VSIG10: variants seen among roughly 807,000 people sequenced by gnomAD.
VSIG10 encodes V-set and immunoglobulin domain-containing protein 10.
Under a neutral mutation model 58.7 loss-of-function variants are expected in VSIG10, and 48 were observed. The observed-to-expected ratio is 0.82, with a 90% CI of 0.65 to 1.04. The LOEUF is 1.04. Among genes scored for constraint, VSIG10 ranks in the 50% least tolerant of loss-of-function variants. VSIG10 has a pLI of 0.00. For missense variants in VSIG10, 628 were observed against 670.0 expected (o/e 0.94, Z 0.69); for synonymous variants, 260 against 267.1 (o/e 0.97, Z 0.26).
At chr12:118,076,666 C>T (rs1230383010) in intron 4 of VSIG10, among the ~76,000 whole-genome samples, 2 of 148,510 alleles carry the variant, frequency 1.3e-5, no homozygotes, top group African/African-American at 4.9e-5. Context: ...TCTCTCTTAC[C>T]TTTCCCTTTT....
intron 3 of VSIG10, among the ~76,000 whole-genome samples, chr12:118,081,149 G>A (rs1290906193): frequency 6.6e-6 from 1 of 151,878 alleles, no homozygotes; most frequent in East Asian, 2.0e-4. Flanking sequence ...GCTGAGGTGT[G>A]AGAACTGAAT....
rs745812029 is a variant in VSIG10 at position 118,073,825 on chromosome 12, G to A, written c.1093C>T (p.Gln365Ter). ...GTGAGGGTGGAGTTCTGGCCATCCT[G>A]GGTAATGAGATGGCGGCTGCTAGGC... is the stretch of plus-strand genomic sequence containing the variant. ...IQPSSRHLIT[Q>*]DGQNSTLTIH... is the part of the protein sequence containing the mutation. Residue 365 changes from glutamine to a stop codon, truncating the protein, a stop_gained, in exon 5 of 9, where the codon CAG (glutamine) becomes TAG (stop). Transcript: ENST00000359236. LOFTEE classifies it high-confidence loss of function. 6.2e-7 allele frequency: 1 copy of A among 1,613,978 alleles called. No homozygotes were observed. The highest frequency in any genetic ancestry group is 1.7e-5 in the Admixed American group (1 of 60,008).
intron 7 of VSIG10, 197 bp downstream of exon 7, chr12:118,070,855 G>A (rs1431838353): frequency 1.3e-5 from 8 of 636,638 alleles, no homozygotes; most frequent in Non-Finnish European, 2.2e-5. Flanking sequence ...TCTGGAAAAT[G>A]GAGATGTCAC....
chr12:118,074,918 A>G (rs1285633762), intron 4 of VSIG10, among the ~76,000 whole-genome samples: 2 of 152,158 alleles, frequency 1.3e-5, no homozygotes, highest in African/African-American at 4.8e-5. Context: ...TCATCACAAG[A>G]AGGCTGAGTA....
intron 2 of VSIG10, among the ~76,000 whole-genome samples, chr12:118,092,071 T>A (rs955714880): frequency 6.6e-6 from 1 of 151,882 alleles, no homozygotes; most frequent in Non-Finnish European, 1.5e-5. Flanking sequence ...TTTTTATTTT[T>A]ATTTTGAGGC....
intron 2 of VSIG10, among the ~76,000 whole-genome samples, chr12:118,085,949 G>A (rs916840190): frequency 1.8e-4 from 28 of 152,024 alleles, no homozygotes; most frequent in South Asian, 2.1e-4. Context: ...CTGAGGTCAG[G>A]AGTTCAAGAC....
At chr12:118,078,993 C>T (rs903254177) in intron 4 of VSIG10, among the ~76,000 whole-genome samples, 1 of 144,128 alleles carries the variant, frequency 6.9e-6, no homozygotes, top group South Asian at 2.2e-4. Context: ...TACCCAGCCT[C>T]AGGTATTCCT....
At chr12:118,078,222 G>A (rs532622032) in intron 4 of VSIG10, among the ~76,000 whole-genome samples, 23 of 152,160 alleles carry the variant, frequency 1.5e-4, no homozygotes, top group African/African-American at 5.1e-4. Flanking sequence ...GCAGTGGTGC[G>A]ATCTCGGCTC....
Position 118,103,650 on chromosome 12 carries a change from G to A in VSIG10, c.22C>T (p.Pro8Ser), listed in dbSNP as rs1001802159. 19 of 1,502,278 alleles carry A rather than the reference G, an allele frequency of 1.3e-5. No homozygotes were observed. The African/African-American group carries it at 2.5e-4, about 19-fold the overall frequency. The allele number at this position is 1,502,278 out of a possible 1,614,324, so 93.1% of individuals were successfully genotyped here. A position where few individuals can be genotyped will look rare whatever the true frequency, so the allele number is the denominator to read the frequency against. MAAGGSA[P>S]EPRVLVCLGA... The stretch of plus-strand genomic sequence containing the variant: ...AGGCAGACGAGGACGCGGGGCTCGG[G>A]CGCACTGCCGCCTGCGGCCATCTCG... The change falls in exon 1 of 9, where the codon CCC becomes TCC. Residue 8 changes from proline to serine, a missense_variant. Transcript: ENST00000359236.
chr12:118,081,469 G>A (rs903967014), intron 3 of VSIG10, among the ~76,000 whole-genome samples: 4 of 151,880 alleles, frequency 2.6e-5, no homozygotes, highest in Non-Finnish European at 2.9e-5. Context: ...TTACAGGTGT[G>A]AGCCACTGAG....
At chr12:118,085,080 C>T (rs2033081507) in intron 2 of VSIG10, among the ~76,000 whole-genome samples, 1 of 152,144 alleles carries the variant, frequency 6.6e-6, no homozygotes, top group Admixed American at 6.5e-5. Context: ...AATCCTTGGG[C>T]AAGAATCACC....
chr12:118,075,495 AC>A (rs2032691505), intron 4 of VSIG10, among the ~76,000 whole-genome samples: 3 of 152,188 alleles, frequency 2.0e-5, no homozygotes, highest in Admixed American at 2.0e-4. Flanking sequence ...AGCTGGGATT[AC>A]AGGTGCCTGC....
intron 8 of VSIG10, among the ~76,000 whole-genome samples, chr12:118,067,335 G>A (rs1265496939): frequency 2.0e-5 from 3 of 151,940 alleles, no homozygotes; most frequent in African/African-American, 7.3e-5. Flanking sequence ...TTTTAAATGT[G>A]TTGTCCATCA....
At chr12:118,090,536 C>T (rs555786446) in intron 2 of VSIG10, among the ~76,000 whole-genome samples, 2 of 152,290 alleles carry the variant, frequency 1.3e-5, no homozygotes, top group African/African-American at 4.8e-5. Flanking sequence ...TTTCACACGG[C>T]CTGCCCTCTT....
Position 118,095,443 on chromosome 12 carries a change from G to A in VSIG10, c.361+90C>T, listed in dbSNP as rs117509553. ...GCCCAGAATGATTTCCAGGCCATCCGAACCCAAAACCCATATTCCTGACCA... is the reference window on the plus strand; with the variant it reads ...GCCCAGAATGATTTCCAGGCCATCCAAACCCAAAACCCATATTCCTGACCA... On this transcript the variant is annotated intron_variant, in intron 2 of 8. Transcript: ENST00000359236. The A allele has an allele frequency of 2.2e-3, 3,330 of 1,521,758 alleles. 95 individuals carry two copies. In the East Asian group the frequency reaches 0.067, roughly 30 times the overall value. The allele number at this position is 1,521,758 out of a possible 1,614,324, so 94.3% of individuals were successfully genotyped here. A position where few individuals can be genotyped will look rare whatever the true frequency, so the allele number is the denominator to read the frequency against.
rs9669397 is a variant in VSIG10 at position 118,074,139 on chromosome 12, G to C, written c.926-147C>G. 9.2e-3 allele frequency: 8,730 copies of C among 947,812 alleles called. 314 individuals are homozygous for C. In the East Asian group the frequency reaches 0.11, roughly 12 times the overall value. The allele number at this position is 947,812 out of a possible 1,614,324, so 58.7% of individuals were successfully genotyped here. On this transcript the variant is annotated intron_variant, in intron 4 of 8. Coordinates refer to ENST00000359236, the MANE Select transcript of VSIG10 (RefSeq NM_019086.6). ...GCTCTGTTGCCCAGGCTGGAGTGCA[G>C]TGGTGCGATCTCAGCTCACTGCAAC... is the stretch of plus-strand genomic sequence containing the variant.
chr12:118,075,512 T>C (rs1325855762), intron 4 of VSIG10, among the ~76,000 whole-genome samples: 1 of 152,080 alleles, frequency 6.6e-6, no homozygotes, highest in Non-Finnish European at 1.5e-5. Flanking sequence ...CCTGCCACCA[T>C]GCCTGGCTAA....
chr12:118,079,664 G>A (rs923924120), intron 3 of VSIG10, 58 bp from the exon 4 acceptor site: 2 of 1,593,662 alleles, frequency 1.3e-6, no homozygotes, highest in Non-Finnish European at 1.7e-6. Flanking sequence ...TCAGCCACTG[G>A]ACTGGCTCTA....
intron 3 of VSIG10, among the ~76,000 whole-genome samples, chr12:118,081,788 G>A (rs1445158422): frequency 3.3e-5 from 5 of 152,118 alleles, no homozygotes; most frequent in African/African-American, 4.8e-5. Flanking sequence ...AAGCCAAGGC[G>A]GGTGGATCAC....
Sources: allele counts gnomAD v4.1 joint callset (sites outside exome capture counted in the v4.1 genomes callset), GRCh38; gene constraint gnomAD v4.1.1; transcripts MANE v1.5; gene names NCBI Gene and HGNC (gene_info 2026-07-23, HGNC 2026-07-21).